RBFOX3: variants seen among roughly 807,000 people sequenced by gnomAD.
RBFOX3 encodes RNA binding fox-1 homolog 3, also known as RNA binding protein fox-1 homolog 3.
Under a neutral mutation model 48.7 loss-of-function variants are expected in RBFOX3, and 17 were observed. The observed-to-expected ratio is 0.35, with a 90% CI of 0.24 to 0.52. The LOEUF is 0.52. Among genes scored for constraint, RBFOX3 ranks in the 20% least tolerant of loss-of-function variants. RBFOX3 has a pLI of 0.94. For synonymous variants in RBFOX3, 212 were observed against 209.5 expected (o/e 1.01, Z -0.10); for missense variants, 382 against 497.5 (o/e 0.77, Z 2.21).
chr17:79,468,654 A>AATGG (rs2076635390), intron 2 of RBFOX3, among the ~76,000 whole-genome samples: 3 of 135,602 alleles, frequency 2.2e-5, no homozygotes, highest in South Asian at 4.9e-4. Context: ...TGGATGGATG[A>AATGG]ATGGATGGAT....
Position 79,423,422 on chromosome 17 carries a change from T to C in RBFOX3, c.-175+59032A>G, listed in dbSNP as rs2148779408. Reference sequence around the variant, plus strand: ...GGCGCCACCACCTCTGCCGGACGTTTGCTATCTCTCTACCTCCGTGCCCAG... The same window carrying C: ...GGCGCCACCACCTCTGCCGGACGTTCGCTATCTCTCTACCTCCGTGCCCAG... On this transcript the variant is annotated intron_variant, in intron 2 of 14. Coordinates refer to ENST00000693108, the MANE Select transcript of RBFOX3 (RefSeq NM_001350451.2). This position sits in a 1 kb window ranked among gnomAD's most constrained non-coding sequence, Gnocchi z 4.9. Among the ~76,000 whole-genome samples the C allele has an allele frequency of 6.6e-6, 1 of 152,262 alleles. No homozygotes were observed. The highest frequency in any genetic ancestry group is 2.4e-5 in the African/African-American group (1 of 41,536).
intron 2 of RBFOX3, among the ~76,000 whole-genome samples, chr17:79,433,563 C>T (rs939573920): frequency 4.6e-5 from 7 of 152,186 alleles, no homozygotes; most frequent in Non-Finnish European, 8.8e-5. Context: ...GGACCTCTGT[C>T]GTGGCTGGGA....
chr17:79,608,120 G>C (rs2093878037), intron 1 of RBFOX3, among the ~76,000 whole-genome samples: 1 of 152,212 alleles, frequency 6.6e-6, no homozygotes, highest in Non-Finnish European at 1.5e-5. Context: ...AGGGCAGGCT[G>C]TGGAGGCCCC....
intron 1 of RBFOX3, among the ~76,000 whole-genome samples, chr17:79,591,657 C>T (rs1178445574): frequency 6.6e-6 from 1 of 152,202 alleles, no homozygotes; most frequent in African/African-American, 2.4e-5. Context: ...GTTGGGTCAC[C>T]GCCTTTGCTT....
intron 1 of RBFOX3, among the ~76,000 whole-genome samples, chr17:79,491,415 C>G (rs1057451615): frequency 6.6e-6 from 1 of 151,866 alleles, no homozygotes; most frequent in Non-Finnish European, 1.5e-5. Flanking sequence ...TTCGGAAGCA[C>G]GCTCTGGTGC....
At chr17:79,237,631 G>C (rs1166253486) in intron 3 of RBFOX3, among the ~76,000 whole-genome samples, 1 of 152,266 alleles carries the variant, frequency 6.6e-6, no homozygotes, top group Non-Finnish European at 1.5e-5. Context: ...CACAGTGGCA[G>C]TATTGGGTAC....
At chr17:79,631,893 C>T in the RBFOX3 span, among the ~76,000 whole-genome samples, 3 of 152,132 alleles carry the variant, frequency 2.0e-5, no homozygotes, top group Admixed American at 6.5e-5. Flanking sequence ...AGCACCCTGA[C>T]GGAGGGTACC....
In RBFOX3 at chr17:79,228,927, C is replaced by A. The variant is rs952493005; in HGVS notation, c.-34+6839G>T. ...TGGCAACTCTGATATTGGAAATGTT[C>A]TCTCAAAGGACAGGAGAGGGCCGGG... On this transcript the variant is annotated intron_variant, in intron 4 of 14. Transcript: ENST00000693108. Among the ~76,000 whole-genome samples the A allele has an allele frequency of 1.3e-5, 2 of 152,126 alleles. 1 individual carries two copies. The highest frequency in any genetic ancestry group is 2.9e-5 in the Non-Finnish European group (2 of 68,022).
At chr17:79,155,880 CCTCT>C (rs752959811) in intron 4 of RBFOX3, among the ~76,000 whole-genome samples, 2 of 152,212 alleles carry the variant, frequency 1.3e-5, no homozygotes, top group African/African-American at 2.4e-5. Flanking sequence ...CCGCACCTCT[CCTCT>C]CTGACTGCCA....
intron 2 of RBFOX3, among the ~76,000 whole-genome samples, chr17:79,416,163 C>T (rs568674372): frequency 2.6e-5 from 4 of 152,224 alleles, no homozygotes; most frequent in South Asian, 2.1e-4. Flanking sequence ...GCCACCTGCA[C>T]GGACAGGTCT....
At position 79,161,831 on chromosome 17, in the gene RBFOX3, G is replaced by A. The variant is rs112781144; in HGVS notation, c.-33-46083C>T. On this transcript the variant is annotated intron_variant, in intron 4 of 14. Coordinates refer to ENST00000693108, the MANE Select transcript of RBFOX3 (RefSeq NM_001350451.2). ...GCTGGTCTCAAACTCCTGACCTCTT[G>A]ATCCGCCTGCCTCAGCCTCCCAAAA... 4.7e-3 allele frequency among the ~76,000 whole-genome samples: 723 copies of A among 152,262 alleles called. 4 individuals are homozygous for A. Among genetic ancestry groups the A allele is most frequent in the African/African-American group, 0.016 (684 of 41,544 alleles).
intron 4 of RBFOX3, among the ~76,000 whole-genome samples, chr17:79,190,157 A>T (rs2054175687): frequency 6.6e-6 from 1 of 152,220 alleles, no homozygotes. Flanking sequence ...CACGCCTGTA[A>T]TCCCAGCACT....
intron 6 of RBFOX3, among the ~76,000 whole-genome samples, chr17:79,105,224 G>C (rs999412406): frequency 6.6e-6 from 1 of 152,230 alleles, no homozygotes; most frequent in Non-Finnish European, 1.5e-5. Flanking sequence ...GCTGAAAAGA[G>C]GGGGACAGTA....
intron 1 of RBFOX3, among the ~76,000 whole-genome samples, chr17:79,609,216 CAGTAAAACCGA>C (rs1173706474): frequency 6.6e-6 from 1 of 152,194 alleles, no homozygotes; most frequent in Non-Finnish European, 1.5e-5. Context: ...TTTTGCAGAC[CAGTAAAACCGA>C]AGCCGGCTTC....
chr17:79,575,701 C>T (rs1204036961), intron 1 of RBFOX3, among the ~76,000 whole-genome samples: 1 of 152,202 alleles, frequency 6.6e-6, no homozygotes, highest in Non-Finnish European at 1.5e-5. Context: ...TAGCACTAAA[C>T]ATGGGGTCAA....
At chr17:79,315,948 G>T (rs1319034840) in intron 2 of RBFOX3, among the ~76,000 whole-genome samples, 1 of 152,130 alleles carries the variant, frequency 6.6e-6, no homozygotes, top group Non-Finnish European at 1.5e-5. Context: ...CTCCGCAAGG[G>T]GTGGGTCCGC....
intron 1 of RBFOX3, among the ~76,000 whole-genome samples, chr17:79,502,332 G>A (rs2149743694): frequency 1.3e-5 from 2 of 152,264 alleles, no homozygotes; most frequent in South Asian, 4.2e-4. Flanking sequence ...GGAAAATAGG[G>A]TGGTGGGGTG....
In RBFOX3 at chr17:79,115,665, G is replaced by A; in HGVS notation, c.51C>T (p.Gly17=). The A allele has an allele frequency of 1.8e-6, 2 of 1,107,844 alleles. No individual in the cohort carries two copies. Among genetic ancestry groups the A allele is most frequent in the Non-Finnish European group, 2.4e-6 (2 of 834,844 alleles). The allele number at this position is 1,107,844 out of a possible 1,614,324, so 68.6% of individuals were successfully genotyped here. Residue 17 remains glycine (G), a synonymous_variant, in exon 5 of 15, where the codon GGC becomes GGT. Coordinates refer to ENST00000693108, the MANE Select transcript of RBFOX3 (RefSeq NM_001350451.2). ...GGGGCGGGGCGTACTCGGCAGGGAT[G>A]CCGTTCTGTGGCGGAGGGGGGTACT... ...PAQYPPPPQN[G]IPAEYAPPPP...
chr17:79,358,903 A>T (rs187445425), intron 2 of RBFOX3, among the ~76,000 whole-genome samples: 9 of 152,310 alleles, frequency 5.9e-5, no homozygotes, highest in African/African-American at 2.2e-4. Flanking sequence ...GCCACTTGGG[A>T]ACCAGAACAA....
Sources: gnomAD v4.1 joint callset for allele counts (sites outside exome capture counted in the v4.1 genomes callset) on GRCh38, gnomAD v4.1.1 for gene constraint, Gnocchi (gnomAD v3.1) non-coding constraint, MANE v1.5 for transcripts, NCBI Gene and HGNC (gene_info 2026-07-23, HGNC 2026-07-21) for gene names.